CLTCL1: variants seen among roughly 807,000 people sequenced by gnomAD.
CLTCL1 encodes clathrin heavy chain 2.
In CLTCL1, 159 loss-of-function variants were observed where a neutral mutation model predicts 190.0. The ratio of observed to expected loss-of-function variants is 0.84; its 90% CI spans 0.74 to 0.95. CLTCL1 has a LOEUF of 0.95. Ranked by LOEUF, CLTCL1 falls within the 40% of genes least tolerant of loss-of-function variation. The pLI is 0.00. For missense variants in CLTCL1, 1,878 were observed against 2,033.4 expected, an observed-to-expected ratio of 0.92 and a Z score of 1.47; for synonymous variants, 752 against 769.6, an observed-to-expected ratio of 0.98 and a Z score of 0.38.
intron 1 of CLTCL1, among the ~76,000 whole-genome samples, chr22:19,279,229 G>A (rs1456745745): frequency 2.6e-5 from 4 of 152,042 alleles, no homozygotes; most frequent in African/African-American, 9.7e-5. Flanking sequence ...TCCGCTTCCC[G>A]AGTTCCAGCA....
In CLTCL1 at chr22:19,229,416, T is replaced by A. The variant is rs530219133; in HGVS notation, c.1782+422A>T. ...TAATAGAGACAGATTAGAATGGCAG[T>A]TGTCAGGGGCTGGGAAATGAGGAGT... On this transcript the variant is annotated intron_variant, in intron 11 of 32. Transcript: ENST00000427926. Among the ~76,000 whole-genome samples the A allele has an allele frequency of 2.0e-5, 3 of 152,282 alleles. No individual in the cohort carries two copies. The South Asian group carries it at 6.2e-4, about 32-fold the overall frequency.
chr22:19,245,887 C>T (rs1257829721), intron 3 of CLTCL1, among the ~76,000 whole-genome samples: 4 of 152,174 alleles, frequency 2.6e-5, no homozygotes, highest in Admixed American at 2.6e-4. Flanking sequence ...TACACCACAA[C>T]TTGTTTATCC....
intron 26 of CLTCL1, among the ~76,000 whole-genome samples, chr22:19,195,901 G>C (rs891650756): frequency 1.3e-5 from 2 of 152,162 alleles, no homozygotes; most frequent in South Asian, 2.1e-4. Context: ...CACAGGAAGT[G>C]GGGGTGGGAG....
intron 13 of CLTCL1, 134 bp from the exon 14 acceptor site, chr22:19,224,188 A>C: frequency 1.2e-6 from 1 of 844,078 alleles, no homozygotes; most frequent in Non-Finnish European, 1.8e-6. Context: ...CATAATCAAT[A>C]TGCCATTTGT....
chr22:19,246,659 A>G (rs1439806232), intron 3 of CLTCL1, among the ~76,000 whole-genome samples: 2 of 152,150 alleles, frequency 1.3e-5, no homozygotes, highest in African/African-American at 2.4e-5. Context: ...TATTTTTACT[A>G]GAGATGGGGT....
intron 22 of CLTCL1, among the ~76,000 whole-genome samples, chr22:19,202,386 C>T (rs1342724521): frequency 2.6e-5 from 4 of 151,002 alleles, no homozygotes; most frequent in South Asian, 4.2e-4. Flanking sequence ...CAGCACCTCC[C>T]GCACCAACCC....
At chr22:19,206,625 G>A (rs1463970958) in intron 22 of CLTCL1, among the ~76,000 whole-genome samples, 2 of 151,906 alleles carry the variant, frequency 1.3e-5, no homozygotes, top group African/African-American at 4.8e-5. Flanking sequence ...TTTTAGAGAT[G>A]GGGGTCTCAT....
intron 19 of CLTCL1, among the ~76,000 whole-genome samples, chr22:19,214,781 A>T (rs2085334463): frequency 6.6e-6 from 1 of 151,600 alleles, no homozygotes; most frequent in South Asian, 2.1e-4. Context: ...CCCAGACTCA[A>T]GCGATTCTCC....
chr22:19,272,366 G>T (rs1456514122), intron 2 of CLTCL1, among the ~76,000 whole-genome samples: 2 of 152,244 alleles, frequency 1.3e-5, no homozygotes, highest in African/African-American at 4.8e-5. Context: ...GCCGGGCAAT[G>T]ACGTGGGCTG....
intron 18 of CLTCL1, among the ~76,000 whole-genome samples, chr22:19,217,615 C>CAAAAAAAAAAAAA (rs71184793): frequency 1.4e-4 from 5 of 34,770 alleles, no homozygotes; most frequent in Non-Finnish European, 2.8e-4. Context: ...GACTCTGTCT[C>CAAAAAAAAAAAAA]AAAAAAAAAA....
At chr22:19,273,993 G>A (rs1389792804) in intron 2 of CLTCL1, among the ~76,000 whole-genome samples, 6 of 151,720 alleles carry the variant, frequency 4.0e-5, no homozygotes, top group African/African-American at 1.5e-4. Context: ...TTTACTCCCC[G>A]ACTCCACACC....
chr22:19,190,365 C>T (rs1312668208), intron 27 of CLTCL1, among the ~76,000 whole-genome samples: 1 of 152,168 alleles, frequency 6.6e-6, no homozygotes, highest in African/African-American at 2.4e-5. Context: ...AGAACACATA[C>T]AACATTTATC....
chr22:19,223,896 G>C lies in CLTCL1; in HGVS notation c.2287C>G (p.Leu763Val). The change falls in exon 14 of 33, where the codon CTG becomes GTG. Residue 763 changes from leucine to valine, a missense_variant. Transcript: ENST00000427926. ...GAGGCAGCACTGGAACACACCTTCAGGAAGTTCTTCACACGCTCTGGGTTG... is the reference window on the plus strand; with the variant it reads ...GAGGCAGCACTGGAACACACCTTCACGAAGTTCTTCACACGCTCTGGGTTG... ...CYNPERVKNF[L>V]KEAKLTDQLP... 3 of 1,613,570 alleles carry C rather than the reference G, an allele frequency of 1.9e-6. No individual in the cohort carries two copies. Among genetic ancestry groups the C allele is most frequent in the Non-Finnish European group, 2.5e-6 (3 of 1,179,860 alleles).
Position 19,187,820 on chromosome 22 carries a change from T to C in CLTCL1, c.4435-92A>G, listed in dbSNP as rs563563356. 3 of 1,398,242 alleles carry C rather than the reference T, an allele frequency of 2.1e-6. No homozygotes were observed. In the African/African-American group the frequency reaches 4.2e-5, roughly 20 times the overall value. 86.6% of individuals were successfully genotyped at this position (1,398,242 alleles called of 1,614,324 possible). The stretch of plus-strand genomic sequence containing the variant: ...CCTTGTGTTACTTGATGGCTGTTGC[T>C]ATCAGCACAGCCTTAGAAAGGCCCC... On this transcript the variant is annotated intron_variant, in intron 28 of 32. Coordinates refer to ENST00000427926, the MANE Select transcript of CLTCL1 (RefSeq NM_007098.4).
intron 2 of CLTCL1, among the ~76,000 whole-genome samples, chr22:19,272,294 A>G (rs1202851171): frequency 6.6e-6 from 1 of 152,210 alleles, no homozygotes; most frequent in Non-Finnish European, 1.5e-5. Flanking sequence ...TCCGTCAGCA[A>G]AGAAAGTATG....
chr22:19,223,810 C>T, intron 14 of CLTCL1, 81 bp downstream of exon 14: 4 of 1,550,638 alleles, frequency 2.6e-6, no homozygotes, highest in Admixed American at 1.7e-5. Flanking sequence ...AGCTTCCTGC[C>T]CCTGGGACGT....
chr22:19,234,433 G>A (rs1335804611), intron 7 of CLTCL1, 76 bp downstream of exon 7: 1 of 1,298,686 alleles, frequency 7.7e-7, no homozygotes, highest in Non-Finnish European at 1.1e-6. Flanking sequence ...CTAGTGAAAT[G>A]CTTTTATGAC....
chr22:19,207,624 C>T (rs2085092330), intron 22 of CLTCL1: 1 of 420,772 alleles, frequency 2.4e-6, no homozygotes, highest in Non-Finnish European at 4.2e-6. Flanking sequence ...TGTTAGGAAT[C>T]ACGCCCCATA....
chr22:19,197,931 A>T (rs551192558), intron 24 of CLTCL1, among the ~76,000 whole-genome samples: 1 of 152,072 alleles, frequency 6.6e-6, no homozygotes. Flanking sequence ...GATCACCTAT[A>T]TGTCAGCAAC....
Sources: allele counts gnomAD v4.1 joint callset (sites outside exome capture counted in the v4.1 genomes callset), GRCh38; gene constraint gnomAD v4.1.1; transcripts MANE v1.5; gene names NCBI Gene and HGNC (gene_info 2026-07-23, HGNC 2026-07-21).